The following KIAA1958 variants were observed in gnomAD, a reference collection of about 807,000 sequenced individuals.
The protein encoded by KIAA1958 is KIAA1958.
Under a neutral mutation model 47.2 loss-of-function variants are expected in KIAA1958, and 14 were observed. The observed-to-expected ratio is 0.30, with a 90% confidence interval of 0.20 to 0.46. KIAA1958 has a LOEUF of 0.46. KIAA1958 is among the 20% of genes least tolerant of loss of function. KIAA1958 has a pLI of 1.00. For synonymous variants in KIAA1958, 354 were observed against 353.3 expected, an observed-to-expected ratio of 1.00 and a Z score of -0.02; for missense variants, 803 against 909.2, an observed-to-expected ratio of 0.88 and a Z score of 1.50.
At chr9:112,521,056 G>T (rs189299107) in intron 1 of KIAA1958, among the ~76,000 whole-genome samples, 1 of 151,078 alleles carries the variant, frequency 6.6e-6, no homozygotes, top group East Asian at 1.9e-4. Flanking sequence ...TAAACTTGTT[G>T]GGTTTAATAT....
chr9:112,629,243 C>T (rs1008932372), intron 2 of KIAA1958, among the ~76,000 whole-genome samples: 2 of 152,138 alleles, frequency 1.3e-5, no homozygotes, highest in African/African-American at 4.8e-5. Flanking sequence ...ATTGTTTCAA[C>T]AGATTAACTC....
chr9:112,618,753 G>C lies in KIAA1958; in HGVS notation c.1172-26897G>C. On this transcript the variant is annotated intron_variant, in intron 2 of 3. Coordinates refer to ENST00000337530, the MANE Select transcript of KIAA1958 (RefSeq NM_133465.4). The surrounding 1 kb of genome is among the most constrained non-coding windows in gnomAD (Gnocchi z 7.1). ...ATCCCTGGCAGGAAAACCAACTTCA[G>C]TGTGTATCAGAGCTGCAGCACCTTG... The C allele has an allele frequency of 1.9e-6, 3 of 1,550,680 alleles. No homozygotes were observed. Among genetic ancestry groups the C allele is most frequent in the Non-Finnish European group, 2.6e-6 (3 of 1,147,004 alleles).
intron 1 of KIAA1958, among the ~76,000 whole-genome samples, chr9:112,491,854 T>G (rs1833976140): frequency 6.6e-6 from 1 of 152,182 alleles, no homozygotes; most frequent in South Asian, 2.1e-4. Flanking sequence ...CTTTTTATTC[T>G]TGGTTTTCTT....
intron 3 of KIAA1958, among the ~76,000 whole-genome samples, chr9:112,649,369 A>G (rs1350533051): frequency 6.6e-6 from 1 of 151,150 alleles, no homozygotes; most frequent in Non-Finnish European, 1.5e-5. Context: ...TGTTGCCCAG[A>G]CTAATCTCAA....
In KIAA1958 at chr9:112,574,429, A is replaced by G. The variant is rs1835598472; in HGVS notation, c.349A>G (p.Arg117Gly). The change falls in exon 2 of 4, where the codon AGA becomes GGA. Residue 117 changes from arginine (R) to glycine (G), a missense_variant. This residue lies in a region of KIAA1958 where 761 missense variants were observed against 829.3 expected (regional missense o/e 0.92). Transcript: ENST00000337530. ...AGCAAAGCTAGACTGTAACCGGACCAGAGACTCTTGTGACTTCTCCTACTG... is the reference window on the plus strand; with the variant it reads ...AGCAAAGCTAGACTGTAACCGGACCGGAGACTCTTGTGACTTCTCCTACTG... The part of the protein sequence containing the change: ...VKAKLDCNRT[R>G]DSCDFSYCSE... The G allele has an allele frequency of 6.2e-6, 10 of 1,614,068 alleles. No individual in the cohort carries two copies. Among genetic ancestry groups the G allele is most frequent in the Non-Finnish European group, 8.5e-6 (10 of 1,180,018 alleles).
At chr9:112,576,631 C>G (rs1056438309) in intron 2 of KIAA1958, among the ~76,000 whole-genome samples, 14 of 152,192 alleles carry the variant, frequency 9.2e-5, no homozygotes, top group African/African-American at 3.4e-4. Context: ...CACCCTCTTA[C>G]ACTTAGCATT....
rs116173243 is a variant in KIAA1958 at position 112,598,880 on chromosome 9, C to T, written c.1171+23629C>T. On this transcript the variant is annotated intron_variant, in intron 2 of 3. Transcript: ENST00000337530. ...TCGCTTGATGCCAGGAGTTTGAGACCATCCCAGCCTGGATAACATAACAAG... is the reference window on the plus strand; with the variant it reads ...TCGCTTGATGCCAGGAGTTTGAGACTATCCCAGCCTGGATAACATAACAAG... 5.2e-3 allele frequency among the ~76,000 whole-genome samples: 785 copies of T among 151,966 alleles called. 10 individuals are homozygous for T. Among genetic ancestry groups the T allele is most frequent in the African/African-American group, 0.018 (748 of 41,438 alleles).
intron 1 of KIAA1958, among the ~76,000 whole-genome samples, chr9:112,559,176 G>A (rs543013382): frequency 6.6e-6 from 1 of 152,346 alleles, no homozygotes; most frequent in African/African-American, 2.4e-5. Context: ...AGTCAAGGGT[G>A]ACTTGCAGGA....
chr9:112,488,347 G>C (rs759827797), intron 1 of KIAA1958, among the ~76,000 whole-genome samples: 1 of 152,130 alleles, frequency 6.6e-6, no homozygotes, highest in African/African-American at 2.4e-5. Context: ...TGTCTTATTT[G>C]ATTAGCTAGC....
Position 112,591,114 on chromosome 9 carries a change from C to T in KIAA1958, c.1171+15863C>T, listed in dbSNP as rs182384121. Among the ~76,000 whole-genome samples, 26 of 152,194 alleles carry T rather than the reference C, an allele frequency of 1.7e-4. No homozygotes were observed. In the East Asian group the frequency reaches 4.3e-3, roughly 25 times the overall value. ...TTTTTATTTTTTCGAGACAGAGTCT[C>T]GCTCTGTCGCCCAGGCTGGAGTGCT... On this transcript the variant is annotated intron_variant, in intron 2 of 3. Transcript: ENST00000337530.
intron 2 of KIAA1958, among the ~76,000 whole-genome samples, chr9:112,636,777 A>G (rs1211174324): frequency 6.6e-6 from 1 of 151,954 alleles, no homozygotes; most frequent in Non-Finnish European, 1.5e-5. Context: ...TGTAAGGTGT[A>G]TTTTTCCCCC....
chr9:112,636,496 A>G (rs969908537), intron 2 of KIAA1958, among the ~76,000 whole-genome samples: 1 of 152,150 alleles, frequency 6.6e-6, no homozygotes, highest in Non-Finnish European at 1.5e-5. Flanking sequence ...TCTTAATCAT[A>G]GATTTGCCTA....
chr9:112,593,839 T>TTTTTG (rs10627875), intron 2 of KIAA1958, among the ~76,000 whole-genome samples: 60,754 of 147,854 alleles, frequency 0.41, 12,637 homozygotes, highest in Middle Eastern at 0.49. Flanking sequence ...ACTTGTCTGT[T>TTTTTG]TTTTGTTTTG....
intron 1 of KIAA1958, among the ~76,000 whole-genome samples, chr9:112,562,037 A>G (rs1392450985): frequency 1.3e-5 from 2 of 152,166 alleles, no homozygotes; most frequent in African/African-American, 4.8e-5. Context: ...CTTGAGTCTA[A>G]GAAGTCAGAA....
intron 1 of KIAA1958, among the ~76,000 whole-genome samples, chr9:112,503,942 TA>T (rs1834189019): frequency 6.6e-6 from 1 of 151,284 alleles, no homozygotes; most frequent in African/African-American, 2.4e-5. Flanking sequence ...TATATATATA[TA>T]TATTTGCCAT....
chr9:112,618,112 G>T lies in KIAA1958; in HGVS notation c.1172-27538G>T. The T allele has an allele frequency of 6.4e-7, 1 of 1,550,548 alleles. No individual in the cohort carries two copies. The highest frequency in any genetic ancestry group is 8.7e-7 in the Non-Finnish European group (1 of 1,146,996). The stretch of plus-strand genomic sequence containing the variant: ...ACAGCTTGGCCAATTACCAGTGTGG[G>T]CTCGAAAGGTACCTGAAAGAACACA... On this transcript the variant is annotated intron_variant, in intron 2 of 3. Transcript: ENST00000337530. The surrounding 1 kb of genome is among the most constrained non-coding windows in gnomAD (Gnocchi z 7.1).
chr9:112,487,919 T>A (rs1833893826), intron 1 of KIAA1958, among the ~76,000 whole-genome samples: 1 of 148,374 alleles, frequency 6.7e-6, no homozygotes, highest in African/African-American at 2.5e-5. Context: ...CTGTGATTTT[T>A]ACAATTATAT....
chr9:112,556,197 G>C (rs187152160), intron 1 of KIAA1958, among the ~76,000 whole-genome samples: 1 of 152,154 alleles, frequency 6.6e-6, no homozygotes, highest in Non-Finnish European at 1.5e-5. Flanking sequence ...ATGACATCTT[G>C]CATCTTCCTT....
intron 2 of KIAA1958, chr9:112,617,838 C>A: frequency 2.0e-6 from 3 of 1,499,308 alleles, no homozygotes; most frequent in Non-Finnish European, 2.7e-6. Flanking sequence ...TCATCAACAC[C>A]CTCTCTATCC....
Sources: allele counts gnomAD v4.1 joint callset (sites outside exome capture counted in the v4.1 genomes callset), GRCh38; gene constraint gnomAD v4.1.1; regional missense constraint gnomAD v4.1.1; non-coding constraint Gnocchi (gnomAD v3.1); transcripts MANE v1.5; gene names NCBI Gene and HGNC (gene_info 2026-07-23, HGNC 2026-07-21).